HDAC4: variants seen among roughly 807,000 people sequenced by gnomAD.
The protein encoded by HDAC4 is histone deacetylase A.
In HDAC4, 16 loss-of-function variants were observed where a neutral mutation model predicts 135.1. That is an observed-to-expected ratio of 0.12 (90% confidence interval 0.08 to 0.18). The LOEUF is 0.18. Ranked by LOEUF, HDAC4 falls within the 10% of genes least tolerant of loss-of-function variation. The pLI is 1.00. For synonymous variants in HDAC4, 685 were observed against 653.4 expected (o/e 1.05, Z -0.74); for missense variants, 1,143 against 1,511.8 (o/e 0.76, Z 4.05).
chr2:239,192,534 G>A (rs914132383), intron 3 of HDAC4, among the ~76,000 whole-genome samples: 2 of 152,200 alleles, frequency 1.3e-5, no homozygotes, highest in Non-Finnish European at 2.9e-5. Context: ...AAAAGAGAAC[G>A]GGGCCTGGCT....
chr2:239,071,000 G>T (rs2034140044), intron 22 of HDAC4, among the ~76,000 whole-genome samples: 1 of 150,518 alleles, frequency 6.6e-6, no homozygotes, highest in South Asian at 2.1e-4. Context: ...GATTAGGAAA[G>T]AAGAAGCAGC....
chr2:239,161,513 G>A (rs755615979), intron 6 of HDAC4, among the ~76,000 whole-genome samples: 1 of 152,096 alleles, frequency 6.6e-6, no homozygotes. Context: ...ATGAAGAGCC[G>A]GTTTTCTGAC....
At chr2:239,054,630 G>C (rs1218067161) in intron 25 of HDAC4, 119 bp downstream of exon 25, 2 of 765,934 alleles carry the variant, frequency 2.6e-6, no homozygotes, top group African/African-American at 3.4e-5. Flanking sequence ...TGCAGGCCTG[G>C]GGAAGCAGCC....
chr2:239,337,159 C>T (rs1691992091), intron 2 of HDAC4, among the ~76,000 whole-genome samples: 1 of 152,206 alleles, frequency 6.6e-6, no homozygotes, highest in Admixed American at 6.5e-5. Context: ...CACACACCCA[C>T]TCCACTAAAC....
chr2:239,074,567 C>T (rs769783231), intron 22 of HDAC4, among the ~76,000 whole-genome samples: 12 of 152,234 alleles, frequency 7.9e-5, no homozygotes, highest in Non-Finnish European at 1.6e-4. Context: ...CGTGAGGCTG[C>T]GTGGGGCACA....
intron 1 of HDAC4, among the ~76,000 whole-genome samples, chr2:239,359,087 T>C (rs1210091993): frequency 3.3e-5 from 5 of 152,226 alleles, no homozygotes; most frequent in Non-Finnish European, 5.9e-5. Context: ...TGTTTTCATA[T>C]TGATATTTGC....
Position 239,134,430 on chromosome 2 carries a change from T to C in HDAC4, c.1109A>G (p.Gln370Arg). The C allele has an allele frequency of 6.2e-7, 1 of 1,613,070 alleles. No individual in the cohort carries two copies. Among genetic ancestry groups the C allele is most frequent in the African/African-American group, 1.3e-5 (1 of 75,004 alleles). ...ATGPSAGTAG[Q>R]QDAERLTLPA... is the part of the protein sequence containing the mutation. ...AAGGGTGAGTCTCTCGGCGTCCTGC[T>C]GGCCCGCCGTGCCCTGGAAAGCACA... Residue 370 changes from glutamine (Q) to arginine (R), a missense_variant, in exon 11 of 27, where the codon CAG (glutamine) becomes CGG (arginine). Physicochemically the swap from Gln to Arg is conservative, Grantham distance 43. This residue lies in a region of HDAC4 where 272 missense variants were observed against 309.7 expected (regional missense o/e 0.88). Transcript: ENST00000543185.
At chr2:239,395,805 C>T (rs1316770688) in intron 1 of HDAC4, among the ~76,000 whole-genome samples, 1 of 149,460 alleles carries the variant, frequency 6.7e-6, no homozygotes, top group African/African-American at 2.5e-5. Context: ...TAATGCAGCC[C>T]CGACCTCCAC....
chr2:239,081,434 T>C (rs2035315116), intron 21 of HDAC4, among the ~76,000 whole-genome samples: 1 of 152,226 alleles, frequency 6.6e-6, no homozygotes, highest in Non-Finnish European at 1.5e-5. Context: ...TCGCCGACCC[T>C]GCCCTTGGCA....
chr2:239,255,295 C>CTGTGTGTG lies in HDAC4; in HGVS notation c.23-18639_23-18632dup, dbSNP rs60768204. Among the ~76,000 whole-genome samples the CTGTGTGTG allele has an allele frequency of 2.9e-3, 435 of 149,696 alleles. 2 individuals carry two copies. The highest frequency in any genetic ancestry group is 9.0e-3 in the African/African-American group (369 of 40,872). On this transcript the variant is annotated intron_variant, in intron 2 of 26. Coordinates refer to ENST00000543185, the MANE Select transcript of HDAC4 (RefSeq NM_001378414.1). ...GACTATGTGTAATCTTGTTTTCTCA[C>CTGTGTGTG]TGTGTGTGTGTGTGTGTGTGTGTGT...
rs958168441 is a variant in HDAC4 at position 239,306,266 on chromosome 2, T to G, written c.22+46412A>C. On this transcript the variant is annotated intron_variant, in intron 2 of 26. Coordinates refer to ENST00000543185, the MANE Select transcript of HDAC4 (RefSeq NM_001378414.1). This position sits in a 1 kb window ranked among gnomAD's most constrained non-coding sequence, Gnocchi z 4.5. ...TCATACATTTAGAAGGCAAAAAAAG[T>G]TCATCTTTCTAGTGATTCCAGGAGC... 6.6e-6 allele frequency among the ~76,000 whole-genome samples: 1 copy of G among 152,108 alleles called. No individual in the cohort carries two copies. Among genetic ancestry groups the G allele is most frequent in the Non-Finnish European group, 1.5e-5 (1 of 68,018 alleles).
At chr2:239,336,030 G>C (rs1691911560) in intron 2 of HDAC4, among the ~76,000 whole-genome samples, 1 of 152,180 alleles carries the variant, frequency 6.6e-6, no homozygotes, top group African/African-American at 2.4e-5. Flanking sequence ...TTCATACAAT[G>C]AAATATTATA....
chr2:239,295,631 A>G (rs965191471), intron 2 of HDAC4, among the ~76,000 whole-genome samples: 3 of 152,164 alleles, frequency 2.0e-5, no homozygotes, highest in Admixed American at 2.0e-4. Context: ...TCACTTTGTA[A>G]TTTGCTGTTT....
chr2:239,131,550 C>T (rs963727482), intron 11 of HDAC4, among the ~76,000 whole-genome samples: 2 of 152,196 alleles, frequency 1.3e-5, no homozygotes, highest in African/African-American at 4.8e-5. Flanking sequence ...AGACGAACCA[C>T]ACCTGATGGG....
chr2:239,110,387 G>A (rs1033694855), intron 14 of HDAC4, among the ~76,000 whole-genome samples: 2 of 152,216 alleles, frequency 1.3e-5, no homozygotes, highest in African/African-American at 4.8e-5. Flanking sequence ...CAGCTTAGTG[G>A]GAGGATTCTC....
At chr2:239,219,242 G>A (rs2046813294) in intron 3 of HDAC4, among the ~76,000 whole-genome samples, 1 of 151,760 alleles carries the variant, frequency 6.6e-6, no homozygotes, top group East Asian at 1.9e-4. Context: ...ATGATAGACT[G>A]GATTAAGAAA....
chr2:239,163,595 T>C (rs1575250969), intron 6 of HDAC4, among the ~76,000 whole-genome samples: 1 of 151,366 alleles, frequency 6.6e-6, no homozygotes, highest in African/African-American at 2.4e-5. Flanking sequence ...ACTCTGGAGG[T>C]GGGCCCCTCC....
rs1224824085 is a variant in HDAC4 at position 239,068,648 on chromosome 2, G to C, written c.2751-41C>G. 6.5e-7 allele frequency: 1 copy of C among 1,534,654 alleles called. No homozygotes were observed. The highest frequency in any genetic ancestry group is 9.0e-7 in the Non-Finnish European group (1 of 1,108,132). ...GAAGGCGTTACTGGGTCAGCTGAAA[G>C]AGGGACGGGACGGTCACAAAACCCC... On this transcript the variant is annotated intron_variant, in intron 22 of 26. Transcript: ENST00000543185. This position sits in a 1 kb window ranked among gnomAD's most constrained non-coding sequence, Gnocchi z 4.4.
intron 14 of HDAC4, among the ~76,000 whole-genome samples, chr2:239,109,493 A>G (rs532187236): frequency 6.6e-6 from 1 of 152,256 alleles, no homozygotes; most frequent in Admixed American, 6.5e-5. Flanking sequence ...GGTGCATATT[A>G]GTTCCCATAC....
Sources: allele counts gnomAD v4.1 joint callset (sites outside exome capture counted in the v4.1 genomes callset), GRCh38; gene constraint gnomAD v4.1.1; regional missense constraint gnomAD v4.1.1; non-coding constraint Gnocchi (gnomAD v3.1); transcripts MANE v1.5; gene names NCBI Gene and HGNC (gene_info 2026-07-23, HGNC 2026-07-21).